The following NR4A1 variants were observed in gnomAD, a reference collection of about 807,000 sequenced individuals.
NR4A1 encodes nuclear receptor subfamily 4immunitygroup A member 1.
Under a neutral mutation model 47.5 loss-of-function variants are expected in NR4A1, and 24 were observed. The ratio of observed to expected loss-of-function variants is 0.50; its 90% CI spans 0.37 to 0.71. The LOEUF (loss-of-function observed/expected upper bound fraction) is 0.71. Among genes scored for constraint, NR4A1 ranks in the 30% least tolerant of loss-of-function variants. NR4A1 has a pLI of 0.00. For synonymous variants in NR4A1, 353 were observed against 345.7 expected, an observed-to-expected ratio of 1.02 and a Z score of -0.24; for missense variants, 669 against 788.6, an observed-to-expected ratio of 0.85 and a Z score of 1.82.
intron 1 of NR4A1, among the ~76,000 whole-genome samples, chr12:52,033,742 G>A (rs74469565): frequency 0.033 from 5,078 of 152,252 alleles, 270 homozygotes; most frequent in African/African-American, 0.11. Flanking sequence ...TATTTTTTCG[G>A]CCCTTAAATT....
chr12:52,052,095 A>T (rs796966063), intron 1 of NR4A1, among the ~76,000 whole-genome samples: 4 of 152,162 alleles, frequency 2.6e-5, no homozygotes, highest in African/African-American at 9.6e-5. Flanking sequence ...CCCCACCCTG[A>T]ACTTTCTGTC....
At chr12:52,058,087 G>T (rs1448013877) in intron 6 of NR4A1, among the ~76,000 whole-genome samples, 1 of 152,188 alleles carries the variant, frequency 6.6e-6, no homozygotes, top group Non-Finnish European at 1.5e-5. Context: ...GCCTCCTAAA[G>T]TGCTGGGATT....
intron 2 of NR4A1, chr12:52,055,818 C>G (rs1939230535): frequency 4.4e-6 from 2 of 452,948 alleles, no homozygotes; most frequent in Non-Finnish European, 7.8e-6. Context: ...TTCCTCAGAG[C>G]GAGAAACCTC....
At chr12:52,034,712 G>C (rs535162200) in intron 1 of NR4A1, among the ~76,000 whole-genome samples, 1 of 152,282 alleles carries the variant, frequency 6.6e-6, no homozygotes, top group African/African-American at 2.4e-5. Context: ...ACGTTTACTG[G>C]ACATTTGTAA....
At chr12:52,043,896 C>G in intron 2 of NR4A1, 1 of 1,289,190 alleles carries the variant, frequency 7.8e-7, no homozygotes, top group Non-Finnish European at 1.0e-6. Flanking sequence ...CAAAGCAGAT[C>G]GTGAGGAGGA....
chr12:52,025,714 C>T (rs1708474898), intron 1 of NR4A1, among the ~76,000 whole-genome samples: 2 of 152,218 alleles, frequency 1.3e-5, no homozygotes, highest in African/African-American at 2.4e-5. Flanking sequence ...GGTTCTTTTC[C>T]TCTGTGGTTC....
rs765852339 is a variant in NR4A1 at position 52,055,208 on chromosome 12, CCG to C, written c.876+8_876+9del. ...GGGCTGCAAGGGCTTCTTCAAGGTA[CCG>C]CGCAGCCCCAGGTGGGGCCTTTTGT... On this transcript the variant is annotated splice_donor_5th_base_variant and intron_variant, in intron 2 of 6. Transcript: ENST00000394825. 26 of 1,611,034 alleles carry C rather than the reference CCG, an allele frequency of 1.6e-5. No individual in the cohort carries two copies. The African/African-American group carries it at 3.5e-4, about 22-fold the overall frequency.
intron 1 of NR4A1, among the ~76,000 whole-genome samples, chr12:52,023,404 G>C (rs946233255): frequency 2.6e-5 from 4 of 152,168 alleles, no homozygotes; most frequent in Admixed American, 6.5e-5. Context: ...AGGGGGCCTC[G>C]GGGTTATGCT....
At chr12:52,038,126 G>A (rs1938310208) in intron 1 of NR4A1, 1 of 928,554 alleles carries the variant, frequency 1.1e-6, no homozygotes, top group Non-Finnish European at 1.3e-6. Flanking sequence ...GTGCAGTAGC[G>A]TGATCTCGGC....
intron 1 of NR4A1, among the ~76,000 whole-genome samples, chr12:52,023,555 G>C (rs1937932554): frequency 6.6e-6 from 1 of 151,846 alleles, no homozygotes; most frequent in African/African-American, 2.4e-5. Context: ...CCTCGCACTA[G>C]CCCGCCCCCA....
chr12:52,038,147 C>T, intron 1 of NR4A1: 1 of 855,178 alleles, frequency 1.2e-6, no homozygotes, highest in Non-Finnish European at 1.4e-6. Context: ...TCACTGCAAT[C>T]TCCGTCTCCC....
At chr12:52,052,317 G>GAGAGAGAGAGAGAGAGAGAGAA (rs1939021815) in intron 1 of NR4A1, among the ~76,000 whole-genome samples, 25 of 151,058 alleles carry the variant, frequency 1.7e-4, no homozygotes, top group African/African-American at 5.6e-4. Flanking sequence ...GAGAGAGAGA[G>GAGAGAGAGAGAGAGAGAGAGAA]AGAGAGAGAG....
At position 52,045,949 on chromosome 12, in the gene NR4A1, G is replaced by A. The variant is rs114155244; in HGVS notation, c.37+4020G>A. ...AATCCCCCTGCCTACTGCCAAAGCAGGAAGAGGAAGTGGCCGGGTCAGGGC... is the reference window on the plus strand; with the variant it reads ...AATCCCCCTGCCTACTGCCAAAGCAAGAAGAGGAAGTGGCCGGGTCAGGGC... On this transcript the variant is annotated intron_variant, in intron 2 of 7. Coordinates refer to the NR4A1 transcript ENST00000360284. Among the ~76,000 whole-genome samples, 661 of 152,356 alleles carry A rather than the reference G, an allele frequency of 4.3e-3. 5 individuals carry two copies. The highest frequency in any genetic ancestry group is 0.014 in the African/African-American group (575 of 41,576).
intron 1 of NR4A1, among the ~76,000 whole-genome samples, chr12:52,028,505 C>T (rs1353069090): frequency 1.3e-5 from 2 of 151,640 alleles, no homozygotes; most frequent in South Asian, 2.1e-4. Context: ...ACCCAGGAGG[C>T]GGAGGTTGCA....
chr12:52,037,235 G>T, intron 1 of NR4A1: 1 of 379,460 alleles, frequency 2.6e-6, no homozygotes. Flanking sequence ...GCTTCCCGGG[G>T]GCGGGGGGCG....
chr12:52,055,260 A>C (rs966443647), intron 2 of NR4A1, 56 bp downstream of exon 2: 2 of 1,595,842 alleles, frequency 1.3e-6, no homozygotes, highest in African/African-American at 2.7e-5. Flanking sequence ...GGCTGGCCTC[A>C]TCCCATTGGG....
intron 2 of NR4A1, among the ~76,000 whole-genome samples, chr12:52,044,199 G>C (rs927437667): frequency 5.3e-5 from 8 of 152,212 alleles, no homozygotes; most frequent in Non-Finnish European, 7.3e-5. Context: ...TCTCCACCCC[G>C]CCTGGATGAG....
chr12:52,056,686 G>GCA, intron 4 of NR4A1, 41 bp downstream of exon 4: 4 of 1,502,730 alleles, frequency 2.7e-6, no homozygotes, highest in Non-Finnish European at 2.7e-6. Context: ...AGGTCTATGA[G>GCA]CACATGCAGT....
intron 1 of NR4A1, chr12:52,054,028 A>C: frequency 5.1e-6 from 2 of 391,942 alleles, no homozygotes; most frequent in Non-Finnish European, 4.6e-6. Flanking sequence ...CTGTTCTAGC[A>C]GAGAAATGCT....
Sources: gnomAD v4.1 joint callset for allele counts (sites outside exome capture counted in the v4.1 genomes callset) on GRCh38, gnomAD v4.1.1 for gene constraint, MANE v1.5 for transcripts, NCBI Gene and HGNC (gene_info 2026-07-23, HGNC 2026-07-21) for gene names.